AGBL1: variants seen among roughly 807,000 people sequenced by gnomAD.
The protein encoded by AGBL1 is AGBL carboxypeptidase 1, also known as cytosolic carboxypeptidase 4.
A neutral mutation model predicts 118.9 loss-of-function variants in AGBL1; 130 were observed. The observed-to-expected ratio is 1.09, with a 90% CI of 0.95 to 1.26. The LOEUF (loss-of-function observed/expected upper bound fraction) is 1.26, where lower values mean the gene tolerates loss of function less well. AGBL1 is among the 50% of genes most tolerant of loss of function. The probability of loss-of-function intolerance (pLI) is 0.00; values close to 1 mark genes in which losing one functional copy is unlikely to be tolerated. For missense variants in AGBL1, 1,584 were observed against 1,298.1 expected, an observed-to-expected ratio of 1.22 and a Z score of -3.38; for synonymous variants, 555 against 478.9, an observed-to-expected ratio of 1.16 and a Z score of -2.08.
intron 17 of AGBL1, among the ~76,000 whole-genome samples, chr15:86,333,708 A>C (rs2080312961): frequency 6.6e-6 from 1 of 152,186 alleles, no homozygotes; most frequent in African/African-American, 2.4e-5. Context: ...CCTTGATACC[A>C]AAACCTGGCA....
chr15:86,532,100 T>C (rs1016813805), intron 19 of AGBL1, among the ~76,000 whole-genome samples: 5 of 150,992 alleles, frequency 3.3e-5, no homozygotes, highest in African/African-American at 1.2e-4. Context: ...GTGTTGGAAG[T>C]TCTGGCCAGG....
chr15:86,545,677 C>T (rs574162283), intron 19 of AGBL1, among the ~76,000 whole-genome samples: 1 of 152,156 alleles, frequency 6.6e-6, no homozygotes, highest in African/African-American at 2.4e-5. Context: ...TTTTCTTTTC[C>T]AGCTTTGCCC....
chr15:86,377,526 C>T (rs2081056477), intron 17 of AGBL1, among the ~76,000 whole-genome samples: 1 of 152,204 alleles, frequency 6.6e-6, no homozygotes, highest in Non-Finnish European at 1.5e-5. Context: ...TCAGTGCTAA[C>T]AAGTCCTGTT....
intron 18 of AGBL1, among the ~76,000 whole-genome samples, chr15:86,403,631 C>T (rs1325494160): frequency 2.0e-5 from 3 of 152,142 alleles, no homozygotes; most frequent in East Asian, 3.9e-4. Flanking sequence ...AGTTCCTTTA[C>T]ATATATTGTC....
chr15:86,199,271 G>A (rs138898619), intron 5 of AGBL1, among the ~76,000 whole-genome samples: 1,566 of 152,202 alleles, frequency 0.01, 12 homozygotes, highest in Non-Finnish European at 0.015. Context: ...AGAATGTTGC[G>A]TGAAGTGGTT....
At position 86,271,043 on chromosome 15, in the gene AGBL1, A is replaced by ATTTTTTT. The variant is rs58166692; in HGVS notation, c.1988-560_1988-554dup. The stretch of plus-strand genomic sequence containing the variant: ...TCTCTCTCTGCTTCAGTCACGTTGC[A>ATTTTTTT]TTTTTTTTTTTTTTTTTTTTTTGGC... On this transcript the variant is annotated intron_variant, in intron 14 of 22. Transcript: ENST00000614907. Among the ~76,000 whole-genome samples the ATTTTTTT allele has an allele frequency of 8.0e-4, 71 of 89,056 alleles. 8 individuals are homozygous for ATTTTTTT. The highest frequency in any genetic ancestry group is 2.0e-3 in the African/African-American group (42 of 20,932). The allele number at this position is 89,056 out of a possible 152,430, so 58.4% of individuals were successfully genotyped here.
chr15:86,261,733 C>A (rs902183555), intron 9 of AGBL1, among the ~76,000 whole-genome samples: 3 of 151,954 alleles, frequency 2.0e-5, no homozygotes, highest in Non-Finnish European at 4.4e-5. Flanking sequence ...TTGGAAAACA[C>A]ACAAGTATTC....
At chr15:86,148,684 C>T (rs1241561662) in intron 3 of AGBL1, among the ~76,000 whole-genome samples, 1 of 152,172 alleles carries the variant, frequency 6.6e-6, no homozygotes, top group East Asian at 1.9e-4. Context: ...GAGAAAGGAA[C>T]CAAGTTGGAA....
intron 1 of AGBL1, among the ~76,000 whole-genome samples, chr15:86,096,183 G>T (rs1255183190): frequency 6.6e-6 from 1 of 152,012 alleles, no homozygotes; most frequent in Non-Finnish European, 1.5e-5. Context: ...CATACAGGAA[G>T]TAGCCACAAA....
At chr15:86,097,552 T>C (rs1309537364) in intron 1 of AGBL1, among the ~76,000 whole-genome samples, 3 of 151,462 alleles carry the variant, frequency 2.0e-5, no homozygotes, top group Non-Finnish European at 4.4e-5. Context: ...TTTTTTTTTT[T>C]AGCTCCCACG....
chr15:86,438,990 C>T lies in AGBL1; in HGVS notation c.2555+41444C>T, dbSNP rs565503278. Among the ~76,000 whole-genome samples, 65 of 152,144 alleles carry T rather than the reference C, an allele frequency of 4.3e-4. 2 individuals carry two copies. In the South Asian group the frequency reaches 0.013, roughly 31 times the overall value. On this transcript the variant is annotated intron_variant, in intron 18 of 22. Transcript: ENST00000614907. Reference sequence around the variant, plus strand: ...AGTCTGTATTTTATCTGGCATCTCTCCCTCCTCCATTGTCTCCTGCCTACC... The same window carrying T: ...AGTCTGTATTTTATCTGGCATCTCTTCCTCCTCCATTGTCTCCTGCCTACC...
intron 22 of AGBL1, among the ~76,000 whole-genome samples, chr15:86,860,592 G>A (rs1416087336): frequency 1.3e-5 from 2 of 151,992 alleles, no homozygotes; most frequent in African/African-American, 2.4e-5. Context: ...GGTACTACAC[G>A]ACTACAAATT....
chr15:86,773,427 G>A (rs2078209082), intron 22 of AGBL1, among the ~76,000 whole-genome samples: 1 of 151,568 alleles, frequency 6.6e-6, no homozygotes, highest in African/African-American at 2.4e-5. Context: ...ACGTATACAT[G>A]TGCCATGTTG....
chr15:86,150,243 C>T lies in AGBL1; in HGVS notation c.263-4187C>T, dbSNP rs573554358. 1.7e-3 allele frequency among the ~76,000 whole-genome samples: 252 copies of T among 152,156 alleles called. 3 individuals carry two copies. The South Asian group carries it at 0.047, about 28-fold the overall frequency. ...CTAGAGAAACAAGAACAAACAAATG[C>T]AAAAGCTAGCATAAGGCAAGAAATA... On this transcript the variant is annotated intron_variant, in intron 3 of 22. Transcript: ENST00000614907.
chr15:87,004,219 A>C (rs1344946876), intron 24 of AGBL1, among the ~76,000 whole-genome samples: 2 of 152,054 alleles, frequency 1.3e-5, no homozygotes, highest in Non-Finnish European at 2.9e-5. Flanking sequence ...TCATTTCGTT[A>C]TATACCCAGT....
At chr15:86,701,939 CCTCTATCCCTTCCCTCCACTCCCCTT>C (rs2086367596) in intron 22 of AGBL1, among the ~76,000 whole-genome samples, 1 of 148,682 alleles carries the variant, frequency 6.7e-6, no homozygotes, top group Non-Finnish European at 1.5e-5. Context: ...CCCCTCCCCT[CCTCTATCCCTTCCCTCCACTCCCCTT>C]CTCACTTTCT....
intron 22 of AGBL1, among the ~76,000 whole-genome samples, chr15:86,775,009 A>G (rs1419400458): frequency 6.6e-6 from 1 of 152,192 alleles, no homozygotes; most frequent in African/African-American, 2.4e-5. Flanking sequence ...GTTTATTCAT[A>G]TCCCAAAAAA....
chr15:86,946,583 C>G (rs927568897), intron 23 of AGBL1, among the ~76,000 whole-genome samples: 4 of 151,996 alleles, frequency 2.6e-5, no homozygotes, highest in Non-Finnish European at 4.4e-5. Flanking sequence ...CGCAGGGGCT[C>G]AAGCCTGTAA....
chr15:86,924,818 G>A, intron 23 of AGBL1, among the ~76,000 whole-genome samples: 1 of 152,096 alleles, frequency 6.6e-6, no homozygotes, highest in Admixed American at 6.5e-5. Flanking sequence ...ACTCACACCT[G>A]TAATCCCAGC....
Sources: gnomAD v4.1 joint callset for allele counts (sites outside exome capture counted in the v4.1 genomes callset) on GRCh38, gnomAD v4.1.1 for gene constraint, MANE v1.5 for transcripts, NCBI Gene and HGNC (gene_info 2026-07-23, HGNC 2026-07-21) for gene names.